The following TRPC4AP variants were observed in gnomAD, a reference collection of about 807,000 sequenced individuals.
The protein encoded by TRPC4AP is transient receptor potential cation channel subfamily C member 4 associated protein.
Under a neutral mutation model 99.0 loss-of-function variants are expected in TRPC4AP, and 45 were observed. The ratio of observed to expected loss-of-function variants is 0.45; its 90% confidence interval spans 0.36 to 0.58. TRPC4AP has a LOEUF of 0.58. Ranked by LOEUF, TRPC4AP falls within the 20% of genes least tolerant of loss-of-function variation. The pLI is 0.00. For missense variants in TRPC4AP, 879 were observed against 985.3 expected (o/e 0.89, Z 1.44); for synonymous variants, 408 against 385.8 (o/e 1.06, Z -0.67).
chr20:35,052,930 G>A (rs1835132420), intron 5 of TRPC4AP, among the ~76,000 whole-genome samples: 1 of 152,088 alleles, frequency 6.6e-6, no homozygotes, highest in African/African-American at 2.4e-5. Flanking sequence ...ATCCCTGGAG[G>A]CATTGGTGTT....
rs774895956 is a variant in TRPC4AP at position 35,003,178 on chromosome 20, T to C, written c.2362A>G (p.Met788Val). The C allele has an allele frequency of 5.6e-6, 9 of 1,614,042 alleles. No homozygotes were observed. Among genetic ancestry groups the C allele is most frequent in the Middle Eastern group, 1.6e-4 (1 of 6,084 alleles). ...TCAGTGAAGTCCCTGTCTATGTCCA[T>C]GTAGGGCTCCTCAATGTAGCTAACG... ...ALVSYIEEPY[M>V]DIDRDFTEE is the part of the protein sequence containing the mutation. Residue 788 changes from methionine to valine, a missense_variant, in exon 19 of 19, where the codon ATG (methionine) becomes GTG (valine). Coordinates refer to ENST00000252015, the MANE Select transcript of TRPC4AP (RefSeq NM_015638.3).
intron 7 of TRPC4AP, among the ~76,000 whole-genome samples, chr20:35,037,573 C>T (rs2083349636): frequency 6.6e-6 from 1 of 152,030 alleles, no homozygotes; most frequent in Non-Finnish European, 1.5e-5. Flanking sequence ...GAGTATTATT[C>T]AGCCATATAA....
intron 11 of TRPC4AP, 92 bp from the exon 12 acceptor site, chr20:35,010,380 C>T: frequency 2.9e-6 from 3 of 1,028,002 alleles, no homozygotes; most frequent in Non-Finnish European, 4.4e-6. Context: ...TGCCCACTTC[C>T]TGTGGACAGA....
In TRPC4AP at chr20:35,078,759, T is replaced by C. The variant is rs117470487; in HGVS notation, c.169-585A>G. On this transcript the variant is annotated intron_variant, in intron 1 of 18. Coordinates refer to ENST00000252015, the MANE Select transcript of TRPC4AP (RefSeq NM_015638.3). ...CAAGAAACTCATTTAAATATACATATAGATAGGTTAAAAGTAAGGGAAAAG... is the reference window on the plus strand; with the variant it reads ...CAAGAAACTCATTTAAATATACATACAGATAGGTTAAAAGTAAGGGAAAAG... Among the ~76,000 whole-genome samples the C allele has an allele frequency of 5.3e-5, 8 of 152,170 alleles. No homozygotes were observed. In the East Asian group the frequency reaches 5.8e-4, roughly 11 times the overall value.
chr20:35,010,292 A>C lies in TRPC4AP; in HGVS notation c.1410-4T>G, dbSNP rs2082604991. On this transcript the variant is annotated splice_region_variant and splice_polypyrimidine_tract_variant and intron_variant, in intron 11 of 18. Coordinates refer to ENST00000252015, the MANE Select transcript of TRPC4AP (RefSeq NM_015638.3). ...GTTGAGTAACAAGTACTTGTTCCTG[A>C]AACAAAATGGGTTGGAGGAGGTAAA... 6.2e-7 allele frequency: 1 copy of C among 1,613,748 alleles called. No individual in the cohort carries two copies. Among genetic ancestry groups the C allele is most frequent in the African/African-American group, 1.3e-5 (1 of 74,898 alleles).
Position 35,021,285 on chromosome 20 carries a change from G to T in TRPC4AP, c.1123C>A (p.Leu375Met). The T allele has an allele frequency of 6.2e-7, 1 of 1,614,202 alleles. No homozygotes were observed. Among genetic ancestry groups the T allele is most frequent in the East Asian group, 2.2e-5 (1 of 44,878 alleles). The change falls in exon 9 of 19, where the codon CTG becomes ATG. Residue 375 changes from leucine to methionine, a missense_variant. Leu to Met is a conservative substitution (Grantham distance 15). Coordinates refer to ENST00000252015, the MANE Select transcript of TRPC4AP (RefSeq NM_015638.3). Reference sequence around the variant, plus strand: ...TGCATAATCTTCATTGACTGGGGCAGCTGGGTTCTGGCTGACGTGTGAGGC... The same window carrying T: ...TGCATAATCTTCATTGACTGGGGCATCTGGGTTCTGGCTGACGTGTGAGGC... The part of the protein sequence containing the change: ...GLPHTSARTQ[L>M]PQSMKIMHEI...
intron 1 of TRPC4AP, among the ~76,000 whole-genome samples, chr20:35,080,296 T>C (rs2146022048): frequency 6.8e-6 from 1 of 146,588 alleles, no homozygotes; most frequent in East Asian, 2.0e-4. Flanking sequence ...AGCTCACAAG[T>C]ACAAGACCAG....
intron 14 of TRPC4AP, 76 bp downstream of exon 14, chr20:35,007,474 G>T: frequency 7.0e-7 from 1 of 1,428,058 alleles, no homozygotes; most frequent in Non-Finnish European, 9.8e-7. Context: ...GAACTGTTTG[G>T]GGCTCAGGAC....
intron 2 of TRPC4AP, among the ~76,000 whole-genome samples, chr20:35,075,226 G>A (rs150020258): frequency 1.3e-5 from 2 of 152,256 alleles, no homozygotes; most frequent in East Asian, 3.9e-4. Flanking sequence ...TTGCCAGTCT[G>A]TCTTTTAACT....
chr20:35,022,779 G>C (rs1033064077), intron 8 of TRPC4AP, among the ~76,000 whole-genome samples: 1 of 152,176 alleles, frequency 6.6e-6, no homozygotes, highest in Non-Finnish European at 1.5e-5. Context: ...CCAGGACTTT[G>C]GGAGGCCGAG....
At chr20:35,014,815 G>T (rs1474567228) in intron 10 of TRPC4AP, among the ~76,000 whole-genome samples, 1 of 152,168 alleles carries the variant, frequency 6.6e-6, no homozygotes, top group Non-Finnish European at 1.5e-5. Flanking sequence ...GCAGGGTGCC[G>T]ACTAGCCGGG....
chr20:35,038,327 T>C (rs1371020467), intron 7 of TRPC4AP, among the ~76,000 whole-genome samples: 1 of 151,642 alleles, frequency 6.6e-6, no homozygotes, highest in Non-Finnish European at 1.5e-5. Context: ...AGTTTGATAA[T>C]GCTCTGTACT....
In TRPC4AP at chr20:35,006,443, C is replaced by T. The variant is rs879217987; in HGVS notation, c.1819G>A (p.Asp607Asn). 9.9e-6 allele frequency: 16 copies of T among 1,613,976 alleles called. No individual in the cohort carries two copies. The highest frequency in any genetic ancestry group is 4.0e-5 in the African/African-American group (3 of 74,922). The change falls in exon 15 of 19, where the codon GAT becomes AAT. Residue 607 changes from aspartate to asparagine, a missense_variant. By Grantham distance (23) the Asp-to-Asn change is conservative (BLOSUM62 1). Transcript: ENST00000252015. ...CCCTGGGTTAACTTTACCTTTGCAT[C>T]GGTGTTGATATATTTATTGAATCTC... ...FKRFNKYINTDAKFQVFLKQI... is the reference protein window; with the variant it reads ...FKRFNKYINTNAKFQVFLKQI...
chr20:35,003,646 G>A (rs1381188468), intron 17 of TRPC4AP, 30 bp from the exon 18 acceptor site: 1 of 1,600,770 alleles, frequency 6.2e-7, no homozygotes, highest in Non-Finnish European at 8.5e-7. Context: ...CAGGGTCAGG[G>A]GCTGGTGGGA....
chr20:35,007,885 T>C (rs991817856), intron 13 of TRPC4AP, among the ~76,000 whole-genome samples: 1 of 151,948 alleles, frequency 6.6e-6, no homozygotes, highest in African/African-American at 2.4e-5. Context: ...ACAGAAAGGG[T>C]AACATCTGGG....
At chr20:35,017,497 C>T (rs958543606) in intron 9 of TRPC4AP, among the ~76,000 whole-genome samples, 1 of 152,182 alleles carries the variant, frequency 6.6e-6, no homozygotes, top group African/African-American at 2.4e-5. Flanking sequence ...CTATTACTAG[C>T]CCTTCTCGGG....
intron 3 of TRPC4AP, among the ~76,000 whole-genome samples, chr20:35,068,984 A>ACAC (rs1555914267): frequency 7.1e-6 from 1 of 140,174 alleles, no homozygotes; most frequent in African/African-American, 2.9e-5. Flanking sequence ...CACACAAAAA[A>ACAC]AACAAAACAT....
intron 1 of TRPC4AP, among the ~76,000 whole-genome samples, chr20:35,088,104 A>G (rs1244278971): frequency 2.0e-5 from 3 of 152,260 alleles, no homozygotes; most frequent in Admixed American, 2.0e-4. Context: ...GCAGTTATTA[A>G]TAACAATACA....
intron 1 of TRPC4AP, among the ~76,000 whole-genome samples, chr20:35,079,960 G>A (rs2180847): frequency 6.8e-6 from 1 of 147,072 alleles, no homozygotes; most frequent in Non-Finnish European, 1.5e-5. Context: ...AGAATGAGGC[G>A]GCAGTGAGCT....
Sources: allele counts gnomAD v4.1 joint callset (sites outside exome capture counted in the v4.1 genomes callset), GRCh38; gene constraint gnomAD v4.1.1; transcripts MANE v1.5; gene names NCBI Gene and HGNC (gene_info 2026-07-23, HGNC 2026-07-21).